Variants in COL4A1 observed in about 807,000 individuals in gnomAD.
The protein encoded by COL4A1 is collagen type IV alpha 1 chain.
In COL4A1, 40 loss-of-function variants were observed where a neutral mutation model predicts 216.6. That is an observed-to-expected ratio of 0.18 (90% CI 0.14 to 0.24). COL4A1 has a LOEUF of 0.24. COL4A1 is among the 10% of genes least tolerant of loss of function. COL4A1 has a pLI of 1.00. For synonymous variants in COL4A1, 839 were observed against 810.7 expected, an observed-to-expected ratio of 1.03 and a Z score of -0.59; for missense variants, 1,628 against 2,196.8, an observed-to-expected ratio of 0.74 and a Z score of 5.18.
intron 10 of COL4A1, 173 bp downstream of exon 10, chr13:110,209,807 T>C (rs778252395): frequency 2.4e-6 from 2 of 823,142 alleles, no homozygotes; most frequent in South Asian, 2.7e-5. Flanking sequence ...TCTGGGTATA[T>C]GGGTACCGGG....
chr13:110,159,726 G>A (rs1417865402), intron 49 of COL4A1, among the ~76,000 whole-genome samples: 1 of 152,182 alleles, frequency 6.6e-6, no homozygotes. Context: ...GAGGAATGGA[G>A]AAACAAAACG....
At chr13:110,306,138 T>A (rs1178545240) in intron 1 of COL4A1, among the ~76,000 whole-genome samples, 3 of 152,092 alleles carry the variant, frequency 2.0e-5, no homozygotes, top group Non-Finnish European at 2.9e-5. Context: ...CCTCGACTCC[T>A]GCAAACCTCC....
At chr13:110,302,196 T>A (rs1884521036) in intron 1 of COL4A1, among the ~76,000 whole-genome samples, 1 of 152,160 alleles carries the variant, frequency 6.6e-6, no homozygotes, top group African/African-American at 2.4e-5. Context: ...GGCTAAAGCC[T>A]CATAGTCTCT....
chr13:110,209,456 G>A (rs1879672940), intron 10 of COL4A1, 29 bp from the exon 11 acceptor site: 1 of 1,539,770 alleles, frequency 6.5e-7, no homozygotes, highest in South Asian at 1.2e-5. Flanking sequence ...TAATTAAATA[G>A]GATTCAGAAC....
chr13:110,168,360 T>C (rs1010627777), intron 43 of COL4A1, among the ~76,000 whole-genome samples: 2 of 152,146 alleles, frequency 1.3e-5, no homozygotes, highest in Non-Finnish European at 2.9e-5. Flanking sequence ...AAAATGAGAA[T>C]ACATAAATAT....
chr13:110,205,636 G>A (rs1362206038), intron 15 of COL4A1, 98 bp from the exon 16 acceptor site: 2 of 1,314,500 alleles, frequency 1.5e-6, no homozygotes, highest in Admixed American at 1.7e-5. Context: ...GCCGAGGTGG[G>A]TGGATCACCT....
At chr13:110,214,087 T>C in intron 2 of COL4A1, 72 bp from the exon 3 acceptor site, 1 of 1,185,432 alleles carries the variant, frequency 8.4e-7, no homozygotes, top group East Asian at 2.3e-5. Flanking sequence ...TGACCAACTG[T>C]GATGGCTATA....
intron 2 of COL4A1, among the ~76,000 whole-genome samples, chr13:110,241,678 T>C (rs982288250): frequency 3.9e-5 from 6 of 152,218 alleles, no homozygotes; most frequent in Non-Finnish European, 7.3e-5. Context: ...CAGGTAACAC[T>C]AGTGCCATCA....
intron 24 of COL4A1, chr13:110,191,731 G>T: frequency 1.6e-6 from 1 of 643,248 alleles, no homozygotes; most frequent in African/African-American, 1.8e-5. Context: ...GAGGCAAACA[G>T]ATCTGCTTTC....
chr13:110,292,913 G>A (rs113272601), intron 1 of COL4A1, among the ~76,000 whole-genome samples: 12 of 152,174 alleles, frequency 7.9e-5, no homozygotes, highest in Non-Finnish European at 1.5e-4. Context: ...GCAACTGCCA[G>A]GTAATCTGTG....
At chr13:110,248,498 C>T (rs1290277462) in intron 1 of COL4A1, among the ~76,000 whole-genome samples, 2 of 152,138 alleles carry the variant, frequency 1.3e-5, no homozygotes, top group African/African-American at 2.4e-5. Flanking sequence ...CCCCATTGAC[C>T]TTCATCACGT....
intron 49 of COL4A1, among the ~76,000 whole-genome samples, chr13:110,158,905 G>C (rs1198785113): frequency 1.3e-5 from 2 of 152,086 alleles, no homozygotes; most frequent in Non-Finnish European, 2.9e-5. Context: ...ACCACACCCA[G>C]CTAATTTTTG....
chr13:110,151,558 A>T (rs1369932865), intron 51 of COL4A1, among the ~76,000 whole-genome samples: 4 of 152,192 alleles, frequency 2.6e-5, no homozygotes, highest in African/African-American at 7.2e-5. Context: ...AAGAGACAGG[A>T]TCATAGCAGG....
chr13:110,264,067 T>C lies in COL4A1; in HGVS notation c.85-21333A>G, dbSNP rs140313599. ...TGCGGCAGCTGTGCTCCCAGCCTGCTCTGAGACACTGCTTTCCAACACACA... is the reference window on the plus strand; with the variant it reads ...TGCGGCAGCTGTGCTCCCAGCCTGCCCTGAGACACTGCTTTCCAACACACA... On this transcript the variant is annotated intron_variant, in intron 1 of 51. Coordinates refer to ENST00000375820, the MANE Select transcript of COL4A1 (RefSeq NM_001845.6). Among the ~76,000 whole-genome samples, 297 of 152,300 alleles carry C rather than the reference T, an allele frequency of 2.0e-3. 3 individuals carry two copies. The highest frequency in any genetic ancestry group is 6.5e-3 in the African/African-American group (270 of 41,568).
chr13:110,219,690 G>GTATATATATA (rs1555307881), intron 2 of COL4A1, among the ~76,000 whole-genome samples: 1 of 135,090 alleles, frequency 7.4e-6, no homozygotes. Flanking sequence ...GTATATATAT[G>GTATATATATA]TATATATATG....
chr13:110,307,132 G>T lies in COL4A1; in HGVS notation c.-105C>A. The T allele has an allele frequency of 4.2e-6, 4 of 941,934 alleles. No individual in the cohort carries two copies. Among genetic ancestry groups the T allele is most frequent in the Non-Finnish European group, 5.8e-6 (4 of 689,936 alleles). The allele number at this position is 941,934 out of a possible 1,614,324, so 58.3% of individuals were successfully genotyped here. A position where few individuals can be genotyped will look rare whatever the true frequency, so the allele number is the denominator to read the frequency against. On this transcript the variant is annotated 5_prime_UTR_variant, in exon 1 of 52. Coordinates refer to ENST00000375820, the MANE Select transcript of COL4A1 (RefSeq NM_001845.6). The surrounding 1 kb of genome is among the most constrained non-coding windows in gnomAD (Gnocchi z 5.0). ...ACTTCCAGCGCTACGCACCGTCCCG[G>T]GTGCGGCGGCTCCAAGCGGAGACCT...
chr13:110,200,560 G>A lies in COL4A1; in HGVS notation c.1120+294C>T, dbSNP rs138037854. ...CTCAGTGGGAGCCGTGGGAAAAGAGGGGGGCAGGCTGGCTCTGGTGGGGTT... is the reference window on the plus strand; with the variant it reads ...CTCAGTGGGAGCCGTGGGAAAAGAGAGGGGCAGGCTGGCTCTGGTGGGGTT... On this transcript the variant is annotated intron_variant, in intron 20 of 51. Transcript: ENST00000375820. 7.2e-5 allele frequency among the ~76,000 whole-genome samples: 11 copies of A among 152,248 alleles called. No homozygotes were observed. In the South Asian group the frequency reaches 1.7e-3, roughly 23 times the overall value.
At chr13:110,210,068 T>A in intron 9 of COL4A1, 26 bp from the exon 10 acceptor site, 1 of 1,613,500 alleles carries the variant, frequency 6.2e-7, no homozygotes, top group Non-Finnish European at 8.5e-7. Flanking sequence ...AAGAAATGAG[T>A]TCAGATGCGA....
At chr13:110,212,046 T>C (rs772377944) in intron 6 of COL4A1, 124 bp from the exon 7 acceptor site, 71 of 1,054,256 alleles carry the variant, frequency 6.7e-5, no homozygotes, top group Non-Finnish European at 9.9e-5. Flanking sequence ...TAAAAACAGT[T>C]TGTCACAAGC....
Sources: allele counts gnomAD v4.1 joint callset (sites outside exome capture counted in the v4.1 genomes callset), GRCh38; gene constraint gnomAD v4.1.1; non-coding constraint Gnocchi (gnomAD v3.1); transcripts MANE v1.5; gene names NCBI Gene and HGNC (gene_info 2026-07-23, HGNC 2026-07-21).